MYO15A: variants seen among roughly 807,000 people sequenced by gnomAD.
MYO15A encodes myosin XVA.
Under a neutral mutation model 394.6 loss-of-function variants are expected in MYO15A, and 308 were observed. The observed-to-expected ratio is 0.78, with a 90% CI of 0.71 to 0.86. MYO15A has a LOEUF of 0.86. MYO15A is among the 40% of genes least tolerant of loss of function. The pLI is 0.00. For missense variants in MYO15A, 4,606 were observed against 4,799.1 expected (o/e 0.96, Z 1.19); for synonymous variants, 1,957 against 2,003.8 (o/e 0.98, Z 0.62).
intron 53 of MYO15A, 56 bp downstream of exon 53, chr17:18,159,053 C>T (rs2046734110): frequency 1.3e-6 from 2 of 1,566,122 alleles, no homozygotes; most frequent in Non-Finnish European, 1.7e-6. Context: ...GCAGGGGCCC[C>T]CTCCCAGGCC....
chr17:18,169,157 T>TAATAATAATAATAATAAA (rs369888022), intron 62 of MYO15A, among the ~76,000 whole-genome samples: 1 of 92,152 alleles, frequency 1.1e-5, no homozygotes, highest in Non-Finnish European at 2.4e-5. Context: ...ATAATAATAA[T>TAATAATAATAATAATAAA]AAAAATAGGC....
rs919809633 is a variant in MYO15A, at chr17:18,122,110, G to C, written c.3310G>C (p.Gly1104Arg). ...IRAPEPLPKGGERRQAAPGRF... is the reference protein window; with the variant it reads ...IRAPEPLPKGRERRQAAPGRF... Reference sequence around the variant, plus strand: ...GGCCCCAGAGCCCCTGCCCAAGGGGGGTGAACGGCGCCAGGCAGCCCCTGG... The same window carrying C: ...GGCCCCAGAGCCCCTGCCCAAGGGGCGTGAACGGCGCCAGGCAGCCCCTGG... Residue 1104 changes from glycine to arginine, a missense_variant, in exon 2 of 66, where the codon GGT becomes CGT. Physicochemically the swap from Gly to Arg is moderately radical, Grantham distance 125. Around this residue, in one of 2 missense-constraint regions of MYO15A, gnomAD observed 1,830 missense variants for 1,689.7 expected, o/e 1.08. Coordinates refer to ENST00000647165, the MANE Select transcript of MYO15A (RefSeq NM_016239.4). 6.2e-7 allele frequency: 1 copy of C among 1,612,788 alleles called. No homozygotes were observed. Among genetic ancestry groups the C allele is most frequent in the Non-Finnish European group, 8.5e-7 (1 of 1,179,990 alleles).
In MYO15A at chr17:18,130,828, G is replaced by A. The variant is rs764443803; in HGVS notation, c.4038+18G>A. 1.5e-6 allele frequency: 2 copies of A among 1,353,936 alleles called. No individual in the cohort carries two copies. Among genetic ancestry groups the A allele is most frequent in the Admixed American group, 3.7e-5 (2 of 54,318 alleles). The allele number at this position is 1,353,936 out of a possible 1,614,324, so 83.9% of individuals were successfully genotyped here. ...AGATAAAGGTACTCAGTGTGTGTGT[G>A]TGTGTGTGTGTGTGTGTGTGTGTGT... On this transcript the variant is annotated intron_variant, in intron 8 of 65. Transcript: ENST00000647165.
Position 18,151,151 on chromosome 17 carries a change from C to G in MYO15A, c.7515C>G (p.Thr2505=), listed in dbSNP as rs369773387. ...AGGCACAGCCGACGTCTGTAGGCAC[C>G]GGTCCCCCTGCCAAACCCGTGCTCC... ...APEAQPTSVG[T]GPPAKPVLLR... The change falls in exon 39 of 66, where the codon ACC becomes ACG. Residue 2505 remains threonine (T), a synonymous_variant. Coordinates refer to ENST00000647165, the MANE Select transcript of MYO15A (RefSeq NM_016239.4). 3.1e-6 allele frequency: 5 copies of G among 1,613,864 alleles called. No individual in the cohort carries two copies. Among genetic ancestry groups the G allele is most frequent in the Middle Eastern group, 1.6e-4 (1 of 6,082 alleles).
chr17:18,154,343 C>A (rs991653995), intron 44 of MYO15A, among the ~76,000 whole-genome samples, 153 bp downstream of exon 44: 2 of 152,202 alleles, frequency 1.3e-5, no homozygotes, highest in Non-Finnish European at 2.9e-5. Context: ...ATCTCCCCCT[C>A]CCATGGGCAG....
intron 2 of MYO15A, 89 bp downstream of exon 2, chr17:18,122,498 T>C (rs1025227153): frequency 2.7e-6 from 4 of 1,507,936 alleles, no homozygotes; most frequent in African/African-American, 2.8e-5. Context: ...CTGTGCAACC[T>C]TGGAGAGAGG....
intron 12 of MYO15A, among the ~76,000 whole-genome samples, chr17:18,133,948 G>A (rs556281453): frequency 2.7e-4 from 41 of 152,144 alleles, no homozygotes; most frequent in African/African-American, 9.2e-4. Flanking sequence ...ATGAGCCACC[G>A]CGCCCAGCCC....
intron 1 of MYO15A, chr17:18,109,983 C>T (rs1331013930): frequency 6.6e-6 from 1 of 152,624 alleles, no homozygotes; most frequent in African/African-American, 2.4e-5. Context: ...AGACAGCTCA[C>T]CTGACCTCCA....
At chr17:18,125,627 C>T (rs2046021640) in intron 4 of MYO15A, 1 of 257,374 alleles carries the variant, frequency 3.9e-6, no homozygotes, top group South Asian at 4.7e-5. Context: ...TGGCGTGAAC[C>T]CCAGGAGGCA....
In MYO15A at chr17:18,157,814, A is replaced by G. The variant is rs1319318016; in HGVS notation, c.8881A>G (p.Thr2961Ala). ...AAAPDFLQLP[T>A]EPGRGRAAAV... The stretch of plus-strand genomic sequence containing the variant: ...TGCCCCCGACTTCCTGCAGCTGCCA[A>G]CGGAGCCAGGCCGCGGCCGAGCAGC... The change falls in exon 51 of 66, where the codon ACG (threonine) becomes GCG (alanine). Residue 2961 changes from threonine (T) to alanine (A), a missense_variant. Thr to Ala is a moderately conservative substitution (Grantham distance 58, BLOSUM62 0). Coordinates refer to ENST00000647165, the MANE Select transcript of MYO15A (RefSeq NM_016239.4). 2 of 1,600,548 alleles carry G rather than the reference A, an allele frequency of 1.2e-6. No homozygotes were observed. The highest frequency in any genetic ancestry group is 1.3e-5 in the African/African-American group (1 of 74,658).
rs559218593 is a variant in MYO15A, at chr17:18,148,648, C to G, written c.6764+80C>G. ...GGGGAGGTCAGATCCCCCAGAGGGT[C>G]CCATAGGGTCCATTCTGTTCATGTT... On this transcript the variant is annotated intron_variant, in intron 32 of 65. Coordinates refer to ENST00000647165, the MANE Select transcript of MYO15A (RefSeq NM_016239.4). The surrounding 1 kb of genome is among the most constrained non-coding windows in gnomAD (Gnocchi z 4.8). 1.9e-6 allele frequency: 3 copies of G among 1,542,822 alleles called. No individual in the cohort carries two copies. In the African/African-American group the frequency reaches 4.1e-5, roughly 21 times the overall value.
chr17:18,122,615 C>T, intron 2 of MYO15A: 1 of 732,734 alleles, frequency 1.4e-6, no homozygotes, highest in Non-Finnish European at 2.1e-6. Flanking sequence ...ACAGGCAGGC[C>T]CAGGACAGAG....
chr17:18,110,408 C>T (rs1430166164), intron 1 of MYO15A: 1 of 152,258 alleles, frequency 6.6e-6, no homozygotes, highest in African/African-American at 2.4e-5. Flanking sequence ...GGCTTAACTC[C>T]ACCTTCAAGC....
chr17:18,156,799 C>T (rs2046682587), intron 48 of MYO15A, among the ~76,000 whole-genome samples, 155 bp from the exon 49 acceptor site: 1 of 152,250 alleles, frequency 6.6e-6, no homozygotes, highest in Admixed American at 6.5e-5. Flanking sequence ...ACCCTCCAGC[C>T]CTTTCTTCCA....
intron 45 of MYO15A, 67 bp downstream of exon 45, chr17:18,154,822 G>A: frequency 4.6e-6 from 7 of 1,529,762 alleles, no homozygotes; most frequent in Non-Finnish European, 6.3e-6. Context: ...CCCTGTCCCA[G>A]AGGGAGACTG....
rs895243431 is a variant in MYO15A at position 18,178,914 on chromosome 17, G to A, written c.*44G>A. ...AGTACCTTCTGCCAGAAGACTCACT[G>A]TGTGGCCTCAGAGAAATCACTGAAC... On this transcript the variant is annotated 3_prime_UTR_variant, in exon 66 of 66. Coordinates refer to ENST00000647165, the MANE Select transcript of MYO15A (RefSeq NM_016239.4). 1 of 1,582,378 alleles carries A rather than the reference G, an allele frequency of 6.3e-7. No individual in the cohort carries two copies. Among genetic ancestry groups the A allele is most frequent in the African/African-American group, 1.3e-5 (1 of 74,502 alleles).
Position 18,120,005 on chromosome 17 carries a change from C to G in MYO15A, c.1205C>G (p.Pro402Arg). ...IYPPEVPYFY[P>R]EESASAFVYP... ...CCCCCCGAGGTGCCCTATTTTTACC[C>G]GGAGGAGTCGGCTTCGGCCTTTGTG... Residue 402 changes from proline (P) to arginine (R), a missense_variant, in exon 2 of 66, where the codon CCG becomes CGG. Coordinates refer to ENST00000647165, the MANE Select transcript of MYO15A (RefSeq NM_016239.4). 9 of 1,613,690 alleles carry G rather than the reference C, an allele frequency of 5.6e-6. No homozygotes were observed. The highest frequency in any genetic ancestry group is 7.6e-6 in the Non-Finnish European group (9 of 1,180,020).
Position 18,147,939 on chromosome 17 carries a change from C to G in MYO15A, c.6510-90C>G. ...GTAGCCTGGGCCTTTCTCAGACTAG[C>G]CTCAGAATTTCCTACCCCCACCCCG... On this transcript the variant is annotated intron_variant, in intron 30 of 65. Coordinates refer to ENST00000647165, the MANE Select transcript of MYO15A (RefSeq NM_016239.4). This position sits in a 1 kb window ranked among gnomAD's most constrained non-coding sequence, Gnocchi z 4.4. The G allele has an allele frequency of 1.3e-6, 2 of 1,511,014 alleles. No individual in the cohort carries two copies. The highest frequency in any genetic ancestry group is 1.8e-6 in the Non-Finnish European group (2 of 1,089,282). The allele number at this position is 1,511,014 out of a possible 1,614,324, so 93.6% of individuals were successfully genotyped here.
At position 18,138,174 on chromosome 17, in the gene MYO15A, C is replaced by T; in HGVS notation, c.4935C>T (p.Pro1645=). ...WQEITFADNQ[P]CINLISLKPY... is the part of the protein sequence containing the mutation. ...AGATCACCTTTGCTGACAACCAGCC[C>T]TGCATCAACCTCATCTCACTGAAGC... The change falls in exon 17 of 66, where the codon CCC becomes CCT. Residue 1645 remains proline (P), a synonymous_variant. Coordinates refer to ENST00000647165, the MANE Select transcript of MYO15A (RefSeq NM_016239.4). The T allele has an allele frequency of 1.2e-6, 2 of 1,613,780 alleles. No homozygotes were observed. The highest frequency in any genetic ancestry group is 2.2e-5 in the South Asian group (2 of 91,082).
Sources: gnomAD v4.1 joint callset for allele counts (sites outside exome capture counted in the v4.1 genomes callset) on GRCh38, gnomAD v4.1.1 for gene constraint, gnomAD v4.1.1 regional missense constraint, Gnocchi (gnomAD v3.1) non-coding constraint, MANE v1.5 for transcripts, NCBI Gene and HGNC (gene_info 2026-07-23, HGNC 2026-07-21) for gene names.